CNTN4: variants seen among roughly 807,000 people sequenced by gnomAD.
CNTN4 encodes the protein contactin-4.
Under a neutral mutation model 122.5 loss-of-function variants are expected in CNTN4, and 77 were observed. The observed-to-expected ratio is 0.63, with a 90% CI of 0.52 to 0.76. The LOEUF (loss-of-function observed/expected upper bound fraction) is 0.76. Ranked by LOEUF, CNTN4 falls within the 30% of genes least tolerant of loss-of-function variation. CNTN4 has a pLI of 0.00. For missense variants in CNTN4, 1,256 were observed against 1,259.1 expected (o/e 1.00, Z 0.04); for synonymous variants, 512 against 447.0 (o/e 1.15, Z -1.83).
intron 2 of CNTN4, among the ~76,000 whole-genome samples, chr3:2,170,182 G>T (rs984343438): frequency 1.4e-5 from 2 of 138,188 alleles, no homozygotes; most frequent in Non-Finnish European, 3.1e-5. Flanking sequence ...TTAGCCGGGC[G>T]TGGTGGCGGC....
chr3:2,979,101 T>C (rs1014170661), intron 13 of CNTN4, among the ~76,000 whole-genome samples: 1 of 152,226 alleles, frequency 6.6e-6, no homozygotes, highest in African/African-American at 2.4e-5. Context: ...GTGTTCGAGC[T>C]TGTGACTGCC....
At chr3:2,100,513 T>A (rs2031843358) in intron 1 of CNTN4, 45 bp from the exon 2 acceptor site, 1 of 152,250 alleles carries the variant, frequency 6.6e-6, no homozygotes, top group African/African-American at 2.4e-5. Flanking sequence ...TTCCCAAGTC[T>A]GCCTAATAGC....
intron 3 of CNTN4, among the ~76,000 whole-genome samples, chr3:2,359,731 G>C (rs1406244835): frequency 6.6e-6 from 1 of 152,092 alleles, no homozygotes; most frequent in Non-Finnish European, 1.5e-5. Flanking sequence ...AGTAGAGACA[G>C]GGTTTCATCG....
At chr3:2,816,809 G>GTCTC (rs1559536450) in intron 6 of CNTN4, among the ~76,000 whole-genome samples, 1 of 115,778 alleles carries the variant, frequency 8.6e-6, no homozygotes, top group Non-Finnish European at 1.7e-5. Flanking sequence ...AACAGAGTGA[G>GTCTC]ACTCTGTCTC....
intron 4 of CNTN4, among the ~76,000 whole-genome samples, chr3:2,623,489 A>G (rs2082069258): frequency 6.6e-6 from 1 of 152,226 alleles, no homozygotes; most frequent in African/African-American, 2.4e-5. Context: ...TGGAATCTAG[A>G]GAACAGAGGG....
chr3:2,624,690 G>T, intron 4 of CNTN4, among the ~76,000 whole-genome samples: 1 of 144,048 alleles, frequency 6.9e-6, no homozygotes, highest in East Asian at 2.1e-4. Flanking sequence ...GGAGTGCAGA[G>T]AAGTGATCTC....
At position 3,034,685 on chromosome 3, in the gene CNTN4, G is replaced by A. The variant is rs764462108; in HGVS notation, c.1837G>A (p.Ala613Thr). 13 of 1,613,950 alleles carry A rather than the reference G, an allele frequency of 8.1e-6. No homozygotes were observed. Among genetic ancestry groups the A allele is most frequent in the Non-Finnish European group, 1.1e-5 (13 of 1,179,998 alleles). The change falls in exon 17 of 25, where the codon GCT becomes ACT. Residue 613 changes from alanine (A) to threonine (T), a missense_variant. By Grantham distance (58) the Ala-to-Thr change is moderately conservative. Coordinates refer to ENST00000418658, the MANE Select transcript of CNTN4 (RefSeq NM_175607.3). Reference protein sequence around the residue: ...VTIDEITDTTAQLSWRPGPDN... With the variant: ...VTIDEITDTTTQLSWRPGPDN... ...AATAGACGAAATCACAGATACCACT[G>A]CTCAGCTCTCCTGGAGACCCGGGCC...
chr3:2,860,808 A>G (rs17584923), intron 7 of CNTN4, among the ~76,000 whole-genome samples: 33,493 of 152,066 alleles, frequency 0.22, 3,934 homozygotes, highest in South Asian at 0.32. Context: ...TTCTTGAGAG[A>G]GCTCTTTCAT....
At chr3:2,823,872 A>T (rs1223027566) in intron 7 of CNTN4, among the ~76,000 whole-genome samples, 1 of 152,210 alleles carries the variant, frequency 6.6e-6, no homozygotes, top group East Asian at 1.9e-4. Flanking sequence ...AAGCACCAGC[A>T]GCATTGGCCT....
intron 2 of CNTN4, among the ~76,000 whole-genome samples, chr3:2,169,572 AT>A (rs200778540): frequency 0.015 from 2,195 of 150,892 alleles, 26 homozygotes; most frequent in Non-Finnish European, 0.023. Flanking sequence ...CGCCCGGCTG[AT>A]TTTTTTGTAG....
intron 2 of CNTN4, among the ~76,000 whole-genome samples, chr3:2,308,211 T>G (rs906472015): frequency 9.9e-5 from 15 of 152,226 alleles, no homozygotes; most frequent in Middle Eastern, 3.4e-3. Flanking sequence ...GTAATTGCCT[T>G]ATAATCCTTT....
chr3:2,615,577 C>T (rs1226242039), intron 4 of CNTN4, among the ~76,000 whole-genome samples: 1 of 65,250 alleles, frequency 1.5e-5, no homozygotes. Context: ...ATCTATTTCA[C>T]TCTAAAAAAA....
chr3:2,380,168 C>T (rs2045965330), intron 3 of CNTN4, among the ~76,000 whole-genome samples: 1 of 151,920 alleles, frequency 6.6e-6, no homozygotes. Context: ...ATGTCATTCT[C>T]TTTCCTCTAT....
intron 3 of CNTN4, among the ~76,000 whole-genome samples, chr3:2,384,732 C>T (rs183085874): frequency 4.0e-5 from 6 of 151,554 alleles, no homozygotes; most frequent in Admixed American, 4.0e-4. Flanking sequence ...TTGTCCCTGG[C>T]TCCTACACCA....
intron 7 of CNTN4, among the ~76,000 whole-genome samples, chr3:2,830,019 T>G (rs1163458836): frequency 3.3e-5 from 5 of 152,044 alleles, no homozygotes; most frequent in Non-Finnish European, 5.9e-5. Context: ...AATATCTTAT[T>G]GTTCAGAAAA....
chr3:2,706,140 A>T (rs1467882900), intron 4 of CNTN4, among the ~76,000 whole-genome samples: 2 of 151,102 alleles, frequency 1.3e-5, no homozygotes, highest in Admixed American at 1.3e-4. Flanking sequence ...GAATAGCCAA[A>T]TGACTACAGA....
chr3:2,877,418 G>A (rs1291470789), intron 8 of CNTN4, among the ~76,000 whole-genome samples: 1 of 152,142 alleles, frequency 6.6e-6, no homozygotes, highest in African/African-American at 2.4e-5. Context: ...AATATAAAAC[G>A]TTGGCAATGA....
At position 3,040,039 on chromosome 3, in the gene CNTN4, G is replaced by T. The variant is rs1260080631; in HGVS notation, c.2166G>T (p.Thr722=). 1.2e-6 allele frequency: 2 copies of T among 1,605,772 alleles called. No homozygotes were observed. Among genetic ancestry groups the T allele is most frequent in the African/African-American group, 1.3e-5 (1 of 74,968 alleles). ...SKSELVITWE[T]VPEELQNGRG... ...AGACCACCTTCCTTCTTTCCCAGAC[G>T]GTCCCTGAGGAATTACAGAATGGTC... Residue 722 remains threonine (T), a splice_region_variant and synonymous_variant, in exon 20 of 25, where the codon ACG becomes ACT. Coordinates refer to ENST00000418658, the MANE Select transcript of CNTN4 (RefSeq NM_175607.3).
chr3:2,186,589 C>T (rs968065849), intron 2 of CNTN4, among the ~76,000 whole-genome samples: 8 of 152,124 alleles, frequency 5.3e-5, no homozygotes, highest in Non-Finnish European at 1.2e-4. Flanking sequence ...CTCTCCAGCA[C>T]CTGTTGTTTC....
Sources: allele counts gnomAD v4.1 joint callset (sites outside exome capture counted in the v4.1 genomes callset), GRCh38; gene constraint gnomAD v4.1.1; transcripts MANE v1.5; gene names NCBI Gene and HGNC (gene_info 2026-07-23, HGNC 2026-07-21).